Variants in ARHGEF38 observed in about 807,000 individuals in gnomAD.
The protein encoded by ARHGEF38 is Rho guanine nucleotide exchange factor 38.
ARHGEF38 carries 79 observed loss-of-function variants against 79.9 expected under a neutral mutation model. The ratio of observed to expected loss-of-function variants is 0.99; its 90% CI spans 0.82 to 1.19. ARHGEF38 has a LOEUF of 1.19. Among genes scored for constraint, ARHGEF38 ranks in the 50% most tolerant of loss-of-function variants. The probability of loss-of-function intolerance (pLI) is 0.00; values close to 1 mark genes in which losing one functional copy is unlikely to be tolerated. For missense variants in ARHGEF38, 962 were observed against 907.2 expected (o/e 1.06, Z -0.78); for synonymous variants, 366 against 328.3 (o/e 1.11, Z -1.24).
Position 105,677,903 on chromosome 4 carries a change from C to A in ARHGEF38, c.2300C>A (p.Pro767Gln). The A allele has an allele frequency of 6.5e-7, 1 of 1,530,918 alleles. No individual in the cohort carries two copies. The highest frequency in any genetic ancestry group is 8.7e-7 in the Non-Finnish European group (1 of 1,143,998). The allele number at this position is 1,530,918 out of a possible 1,614,324, so 94.8% of individuals were successfully genotyped here. Residue 767 changes from proline to glutamine, a missense_variant, in exon 14 of 14, where the codon CCA becomes CAA. Coordinates refer to ENST00000420470, the MANE Select transcript of ARHGEF38 (RefSeq NM_001242729.2). ...GCTCAAGGGCAGAAAGGATACGTGC[C>A]AGCTAACTACCTTGGAAAGATGACT... ...AEAQGQKGYV[P>Q]ANYLGKMTYA
rs1054558788 is a variant in ARHGEF38 at position 105,552,933 on chromosome 4, C to T, written c.168C>T (p.Asp56=). The change falls in exon 1 of 14, where the codon GAC becomes GAT. Residue 56 remains aspartate (D), a synonymous_variant. Coordinates refer to ENST00000420470, the MANE Select transcript of ARHGEF38 (RefSeq NM_001242729.2). The part of the protein sequence containing the change: ...HSGTLRRSQS[D]RTEYNQKLQE... ...GCACCTTGAGGAGGAGCCAATCTGA[C>T]AGGACCGAATACAACCAGAAATTAC... 15 of 1,612,652 alleles carry T rather than the reference C, an allele frequency of 9.3e-6. No individual in the cohort carries two copies. The Middle Eastern group carries it at 1.2e-3, about 125-fold the overall frequency.
chr4:105,575,473 A>G (rs1027766157), intron 1 of ARHGEF38, among the ~76,000 whole-genome samples: 13 of 152,164 alleles, frequency 8.5e-5, no homozygotes, highest in African/African-American at 3.1e-4. Context: ...ACGTCTATTT[A>G]TGTCCTTTGC....
chr4:105,643,553 C>T (rs377112144), intron 5 of ARHGEF38, among the ~76,000 whole-genome samples: 4 of 152,168 alleles, frequency 2.6e-5, no homozygotes, highest in South Asian at 2.1e-4. Flanking sequence ...AAAAAACGTT[C>T]GGTATAAGAT....
intron 2 of ARHGEF38, among the ~76,000 whole-genome samples, chr4:105,603,872 T>C (rs1727927702): frequency 6.6e-6 from 1 of 152,202 alleles, no homozygotes; most frequent in South Asian, 2.1e-4. Context: ...CACTGAACTT[T>C]CCTTTGCAAG....
chr4:105,616,106 A>C (rs1728498536), intron 3 of ARHGEF38, among the ~76,000 whole-genome samples: 1 of 152,202 alleles, frequency 6.6e-6, no homozygotes, highest in Non-Finnish European at 1.5e-5. Context: ...TGTATGGAAA[A>C]TAGGGCCTGA....
chr4:105,657,158 C>T (rs901481535), intron 9 of ARHGEF38, among the ~76,000 whole-genome samples: 3 of 152,134 alleles, frequency 2.0e-5, no homozygotes, highest in Non-Finnish European at 4.4e-5. Flanking sequence ...AGCACACATT[C>T]TAGAAGTCTT....
chr4:105,584,285 ATACAC>A (rs1726928286), intron 1 of ARHGEF38, among the ~76,000 whole-genome samples: 1 of 152,254 alleles, frequency 6.6e-6, no homozygotes, highest in African/African-American at 2.4e-5. Context: ...TGAGAAGCCT[ATACAC>A]TACACTAGAA....
intron 13 of ARHGEF38, among the ~76,000 whole-genome samples, chr4:105,677,293 T>C (rs1731157681): frequency 6.6e-6 from 1 of 152,124 alleles, no homozygotes; most frequent in African/African-American, 2.4e-5. Flanking sequence ...CAAATCTCCT[T>C]AGTATGAGGG....
intron 13 of ARHGEF38, among the ~76,000 whole-genome samples, chr4:105,675,923 G>A (rs555734148): frequency 4.3e-4 from 66 of 152,268 alleles, no homozygotes; most frequent in Non-Finnish European, 7.5e-4. Context: ...CCTCTTAATA[G>A]CATTACCTTG....
chr4:105,619,096 A>G (rs1728632291), intron 3 of ARHGEF38, among the ~76,000 whole-genome samples: 1 of 152,210 alleles, frequency 6.6e-6, no homozygotes, highest in South Asian at 2.1e-4. Flanking sequence ...AAAATTACAG[A>G]AAATTTTATT....
At chr4:105,603,326 T>C (rs1172666374) in intron 2 of ARHGEF38, among the ~76,000 whole-genome samples, 1 of 152,116 alleles carries the variant, frequency 6.6e-6, no homozygotes, top group Non-Finnish European at 1.5e-5. Context: ...GTCACACAGC[T>C]GGAATGTGGC....
intron 2 of ARHGEF38, among the ~76,000 whole-genome samples, chr4:105,605,819 C>T (rs1012533882): frequency 1.3e-5 from 2 of 152,000 alleles, no homozygotes; most frequent in Admixed American, 6.6e-5. Flanking sequence ...TTTCCACTTG[C>T]TGCAATTTCT....
chr4:105,643,996 A>G (rs1255569204), intron 5 of ARHGEF38, among the ~76,000 whole-genome samples: 3 of 149,356 alleles, frequency 2.0e-5, no homozygotes. Context: ...CCTCCCAAGT[A>G]TCTGAGACTA....
Position 105,552,934 on chromosome 4 carries a change from A to G in ARHGEF38, c.169A>G (p.Arg57Gly). The part of the protein sequence containing the change: ...SGTLRRSQSD[R>G]TEYNQKLQEK... ...CACCTTGAGGAGGAGCCAATCTGAC[A>G]GGACCGAATACAACCAGAAATTACA... is the stretch of plus-strand genomic sequence containing the variant. The change falls in exon 1 of 14, where the codon AGG becomes GGG. Residue 57 changes from arginine (R) to glycine (G), a missense_variant. Coordinates refer to ENST00000420470, the MANE Select transcript of ARHGEF38 (RefSeq NM_001242729.2). The G allele has an allele frequency of 6.2e-7, 1 of 1,611,940 alleles. No individual in the cohort carries two copies. The highest frequency in any genetic ancestry group is 1.1e-5 in the South Asian group (1 of 90,588).
At chr4:105,570,146 A>G (rs190818125) in intron 1 of ARHGEF38, 3 of 152,334 alleles carry the variant, frequency 2.0e-5, no homozygotes, top group South Asian at 4.1e-4. Context: ...ATATTTACAT[A>G]CATTCACTGT....
chr4:105,651,650 C>CT (rs1428207880), intron 7 of ARHGEF38, among the ~76,000 whole-genome samples: 5 of 152,110 alleles, frequency 3.3e-5, no homozygotes, highest in Non-Finnish European at 5.9e-5. Context: ...TTCTCTCTCT[C>CT]TTTTTTTAAA....
At chr4:105,608,788 T>C (rs921384291) in intron 2 of ARHGEF38, among the ~76,000 whole-genome samples, 2 of 151,974 alleles carry the variant, frequency 1.3e-5, no homozygotes, top group Non-Finnish European at 1.5e-5. Context: ...TGGGGGTTTG[T>C]TGTACACATT....
At chr4:105,623,090 T>C (rs759474825) in intron 3 of ARHGEF38, among the ~76,000 whole-genome samples, 1 of 152,194 alleles carries the variant, frequency 6.6e-6, no homozygotes, top group Non-Finnish European at 1.5e-5. Context: ...CAGGAAAATA[T>C]CAAACACTGG....
At chr4:105,588,262 T>C (rs1291261537) in intron 1 of ARHGEF38, among the ~76,000 whole-genome samples, 1 of 152,220 alleles carries the variant, frequency 6.6e-6, no homozygotes, top group African/African-American at 2.4e-5. Context: ...GTGTCAACAT[T>C]GAAGATGTCT....
Sources: allele counts gnomAD v4.1 joint callset (sites outside exome capture counted in the v4.1 genomes callset), GRCh38; gene constraint gnomAD v4.1.1; transcripts MANE v1.5; gene names NCBI Gene and HGNC (gene_info 2026-07-23, HGNC 2026-07-21).